Variants in GARRE1 observed in about 807,000 individuals in gnomAD.
GARRE1 encodes granule associated Rac and RHOG effector 1.
GARRE1 carries 49 observed loss-of-function variants against 103.2 expected under a neutral mutation model. The ratio of observed to expected loss-of-function variants is 0.47; its 90% confidence interval spans 0.38 to 0.60. GARRE1 has a LOEUF of 0.60. Among genes scored for constraint, GARRE1 ranks in the 20% least tolerant of loss-of-function variants. The pLI, the probability that GARRE1 is intolerant of heterozygous loss-of-function variation, is 0.00. For synonymous variants in GARRE1, 505 were observed against 532.8 expected, an observed-to-expected ratio of 0.95 and a Z score of 0.72; for missense variants, 1,199 against 1,370.5, an observed-to-expected ratio of 0.87 and a Z score of 1.98.
At chr19:34,341,319 A>G in intron 9 of GARRE1, 103 bp from the exon 10 acceptor site, 2 of 916,270 alleles carry the variant, frequency 2.2e-6, no homozygotes, top group Non-Finnish European at 3.3e-6. Context: ...CCAACCTGAG[A>G]GGTTTTTCTT....
intron 1 of GARRE1, among the ~76,000 whole-genome samples, chr19:34,282,723 A>G (rs745457020): frequency 2.0e-5 from 3 of 152,058 alleles, no homozygotes; most frequent in Non-Finnish European, 4.4e-5. Flanking sequence ...CTGATTGAGG[A>G]ATGGGAAGTA....
intron 1 of GARRE1, among the ~76,000 whole-genome samples, chr19:34,282,766 A>G (rs182725759): frequency 6.9e-4 from 105 of 152,008 alleles, no homozygotes; most frequent in Admixed American, 3.2e-3. Context: ...CTGGTTTCCC[A>G]CTCCTGATTT....
Position 34,289,968 on chromosome 19 carries a change from A to G in GARRE1, c.-795-9711A>G, listed in dbSNP as rs192183806. On this transcript the variant is annotated intron_variant, in intron 1 of 13. Transcript: ENST00000299505. ...CCTTTTTGGCACTTAACATTCACAG[A>G]TGCTGGATGGCAGCACTCAAATGCA... Among the ~76,000 whole-genome samples, 93 of 152,330 alleles carry G rather than the reference A, an allele frequency of 6.1e-4. 1 individual carries two copies. Among genetic ancestry groups the G allele is most frequent in the Admixed American group, 1.2e-3 (18 of 15,306 alleles).
chr19:34,331,534 G>A (rs2074137869), intron 7 of GARRE1, among the ~76,000 whole-genome samples: 1 of 151,884 alleles, frequency 6.6e-6, no homozygotes, highest in Admixed American at 6.6e-5. Context: ...CAACTAAAAA[G>A]TAATGATTTG....
In GARRE1 at chr19:34,320,104, G is replaced by C; in HGVS notation, c.693G>C (p.Arg231=). 6.2e-7 allele frequency: 1 copy of C among 1,613,774 alleles called. No homozygotes were observed. The highest frequency in any genetic ancestry group is 8.5e-7 in the Non-Finnish European group (1 of 1,179,980). The change falls in exon 3 of 14, where the codon CGG becomes CGC. Residue 231 remains arginine (R), a synonymous_variant. Transcript: ENST00000299505. ...PEVEEAVRSW[R]GAAEATSRLR... is the part of the protein sequence containing the mutation. Reference sequence around the variant, plus strand: ...TAGAGGAAGCTGTGCGGTCCTGGCGGGGGGCTGCTGAGGTAACCCTGGCTT... The same window carrying C: ...TAGAGGAAGCTGTGCGGTCCTGGCGCGGGGCTGCTGAGGTAACCCTGGCTT...
chr19:34,281,381 C>T (rs1013087824), intron 1 of GARRE1, among the ~76,000 whole-genome samples: 2 of 152,218 alleles, frequency 1.3e-5, no homozygotes, highest in African/African-American at 2.4e-5. Flanking sequence ...ACCTCTGCCT[C>T]CCGGGTTCAA....
At chr19:34,276,710 C>A (rs569213504) in intron 1 of GARRE1, among the ~76,000 whole-genome samples, 1 of 152,220 alleles carries the variant, frequency 6.6e-6, no homozygotes, top group Non-Finnish European at 1.5e-5. Context: ...CAGGTTTCCA[C>A]AAGCCAGTCA....
chr19:34,273,507 A>G (rs1260107450), intron 1 of GARRE1, among the ~76,000 whole-genome samples: 1 of 152,216 alleles, frequency 6.6e-6, no homozygotes, highest in African/African-American at 2.4e-5. Flanking sequence ...TTAAATAAGT[A>G]CTGAGGACAA....
chr19:34,317,885 T>C (rs1008900466), intron 2 of GARRE1, among the ~76,000 whole-genome samples: 11 of 152,266 alleles, frequency 7.2e-5, no homozygotes, highest in Admixed American at 4.6e-4. Flanking sequence ...AGCTGCTGCT[T>C]ATTCTACTCC....
chr19:34,329,084 A>G (rs1299781465), intron 6 of GARRE1, among the ~76,000 whole-genome samples: 1 of 152,236 alleles, frequency 6.6e-6, no homozygotes, highest in African/African-American at 2.4e-5. Context: ...CATGTGTTCC[A>G]GTCATTGTGC....
chr19:34,347,573 G>C (rs2074217732), intron 10 of GARRE1, among the ~76,000 whole-genome samples: 1 of 152,214 alleles, frequency 6.6e-6, no homozygotes, highest in Admixed American at 6.5e-5. Flanking sequence ...TTAAAATCTA[G>C]TCGTAGGGAA....
At chr19:34,286,220 GTAT>G (rs112505666) in intron 1 of GARRE1, among the ~76,000 whole-genome samples, 78,560 of 151,754 alleles carry the variant, frequency 0.52, 21,935 homozygotes, top group Non-Finnish European at 0.63. Context: ...GTGCCTTTCT[GTAT>G]TATTATTATT....
intron 1 of GARRE1, among the ~76,000 whole-genome samples, chr19:34,270,575 GCT>G (rs2073781271): frequency 6.6e-6 from 1 of 152,154 alleles, no homozygotes; most frequent in Non-Finnish European, 1.5e-5. Context: ...AGCCTAGTCT[GCT>G]CTCTCAGATC....
chr19:34,258,359 ACCAC>A (rs1172616879), intron 1 of GARRE1, among the ~76,000 whole-genome samples: 1 of 152,126 alleles, frequency 6.6e-6, no homozygotes, highest in African/African-American at 2.4e-5. Context: ...TGGGTAGAGA[ACCAC>A]CTCATTTCCT....
At chr19:34,254,905 C>G (rs1273371869) in intron 1 of GARRE1, among the ~76,000 whole-genome samples, 3 of 150,858 alleles carry the variant, frequency 2.0e-5, no homozygotes, top group Non-Finnish European at 3.0e-5. Context: ...GCCGCGGCAC[C>G]GCAGGGGCGG....
At chr19:34,344,116 A>C (rs901217862) in intron 10 of GARRE1, among the ~76,000 whole-genome samples, 4 of 152,122 alleles carry the variant, frequency 2.6e-5, no homozygotes, top group Non-Finnish European at 5.9e-5. Context: ...AACCCCCCCC[A>C]CAAAAAAAAC....
In GARRE1 at chr19:34,307,814, ATTTT is replaced by A. The variant is rs59757372; in HGVS notation, c.495+6858_495+6861del. On this transcript the variant is annotated intron_variant, in intron 2 of 13. Coordinates refer to ENST00000299505, the MANE Select transcript of GARRE1 (RefSeq NM_014686.5). The stretch of plus-strand genomic sequence containing the variant: ...CTATAAAAAAAAAATATATATATAT[ATTTT>A]TTTTTTTTTTTAGAGATTAGGCCTT... Among the ~76,000 whole-genome samples, 18 of 109,680 alleles carry A rather than the reference ATTTT, an allele frequency of 1.6e-4. No individual in the cohort carries two copies. In the East Asian group the frequency reaches 2.8e-3, roughly 17 times the overall value. The allele number at this position is 109,680 out of a possible 152,430, so 72.0% of individuals were successfully genotyped here.
chr19:34,337,654 T>C (rs1356083453), intron 8 of GARRE1, among the ~76,000 whole-genome samples: 3 of 151,946 alleles, frequency 2.0e-5, no homozygotes, highest in Admixed American at 2.0e-4. Context: ...AGGTAGAGGG[T>C]TTTAGGCAAG....
intron 1 of GARRE1, among the ~76,000 whole-genome samples, chr19:34,268,937 AAAC>A (rs560769297): frequency 7.5e-4 from 115 of 152,372 alleles, no homozygotes; most frequent in Admixed American, 1.4e-3. Flanking sequence ...ATAAAAGCAA[AAAC>A]AACAAGCCAC....
Sources: allele counts gnomAD v4.1 joint callset (sites outside exome capture counted in the v4.1 genomes callset), GRCh38; gene constraint gnomAD v4.1.1; transcripts MANE v1.5; gene names NCBI Gene and HGNC (gene_info 2026-07-23, HGNC 2026-07-21).